SLC2A13: variants seen among roughly 807,000 people sequenced by gnomAD.
The protein encoded by SLC2A13 is solute carrier family 2 member 13.
Under a neutral mutation model 64.4 loss-of-function variants are expected in SLC2A13, and 32 were observed. The observed-to-expected ratio is 0.50, with a 90% CI of 0.37 to 0.67. The LOEUF (loss-of-function observed/expected upper bound fraction) is 0.67. SLC2A13 is among the 30% of genes least tolerant of loss of function. SLC2A13 has a pLI of 0.00. For missense variants in SLC2A13, 743 were observed against 829.2 expected, an observed-to-expected ratio of 0.90 and a Z score of 1.28; for synonymous variants, 338 against 327.1, an observed-to-expected ratio of 1.03 and a Z score of -0.36.
chr12:40,094,317 T>C (rs1269890887), intron 1 of SLC2A13, among the ~76,000 whole-genome samples: 4 of 152,096 alleles, frequency 2.6e-5, no homozygotes, highest in Non-Finnish European at 4.4e-5. Context: ...ACAGAAGGTA[T>C]TCCAAGCCAT....
intron 3 of SLC2A13, among the ~76,000 whole-genome samples, chr12:39,972,022 T>TAA (rs368933021): frequency 2.2e-5 from 2 of 92,394 alleles, no homozygotes; most frequent in African/African-American, 4.1e-5. Context: ...ATATTTTTTT[T>TAA]TATATAAATA....
At chr12:39,852,833 T>C (rs1943506591) in intron 6 of SLC2A13, among the ~76,000 whole-genome samples, 1 of 152,210 alleles carries the variant, frequency 6.6e-6, no homozygotes, top group Admixed American at 6.5e-5. Context: ...TATAACTTTG[T>C]AACATCAGCC....
intron 6 of SLC2A13, among the ~76,000 whole-genome samples, chr12:39,857,712 T>C (rs1417750408): frequency 6.6e-6 from 1 of 152,198 alleles, no homozygotes; most frequent in Non-Finnish European, 1.5e-5. Flanking sequence ...TCCTGGTGTA[T>C]AAGGTCCTGA....
chr12:39,885,626 A>G lies in SLC2A13; in HGVS notation c.1035-13665T>C, dbSNP rs11174134. On this transcript the variant is annotated intron_variant, in intron 4 of 9. Coordinates refer to ENST00000280871, the MANE Select transcript of SLC2A13 (RefSeq NM_052885.4). ...CCACCGAAGCACCCAGAGAAAAATT[A>G]TCTCTGGCCTTAGTACATAGGAATT... Among the ~76,000 whole-genome samples the G allele has an allele frequency of 3.3e-5, 5 of 152,076 alleles. No individual in the cohort carries two copies. In the East Asian group the frequency reaches 9.7e-4, roughly 29 times the overall value.
intron 2 of SLC2A13, among the ~76,000 whole-genome samples, chr12:40,047,332 A>G (rs1948186553): frequency 6.6e-6 from 1 of 152,194 alleles, no homozygotes; most frequent in Non-Finnish European, 1.5e-5. Context: ...CTGAATAAAT[A>G]TTTGTTCTAA....
intron 1 of SLC2A13, among the ~76,000 whole-genome samples, chr12:40,071,180 T>C (rs1937942377): frequency 6.6e-6 from 1 of 152,188 alleles, no homozygotes; most frequent in South Asian, 2.1e-4. Context: ...TCTACGCGTG[T>C]CTATTCTTTC....
chr12:40,046,571 C>T (rs1306908591), intron 2 of SLC2A13, among the ~76,000 whole-genome samples: 1 of 151,730 alleles, frequency 6.6e-6, no homozygotes, highest in Non-Finnish European at 1.5e-5. Context: ...ACAAGAAAAA[C>T]TCAAAATACC....
chr12:39,807,132 T>C (rs1346165284), intron 7 of SLC2A13, among the ~76,000 whole-genome samples: 1 of 148,722 alleles, frequency 6.7e-6, no homozygotes, highest in Non-Finnish European at 1.5e-5. Context: ...TTTTCGCCAC[T>C]GAAAGTAATT....
At chr12:39,840,591 G>C (rs1026801291) in intron 6 of SLC2A13, among the ~76,000 whole-genome samples, 3 of 151,868 alleles carry the variant, frequency 2.0e-5, no homozygotes, top group Non-Finnish European at 2.9e-5. Context: ...GTTTTCTCTG[G>C]ATGTTACTTT....
At chr12:39,926,574 A>T (rs1375824910) in intron 4 of SLC2A13, among the ~76,000 whole-genome samples, 1 of 152,116 alleles carries the variant, frequency 6.6e-6, no homozygotes, top group Non-Finnish European at 1.5e-5. Flanking sequence ...AGGTAATAAA[A>T]TCATCTTTAC....
rs970128888 is a variant in SLC2A13, at chr12:39,755,093, T to A, written c.*4933A>T. On this transcript the variant is annotated 3_prime_UTR_variant, in exon 10 of 10. Transcript: ENST00000280871. ...ACAGTTCTGGCACTGACACTTTTTTTAAAAAAAGATTTTAATTTTATGTAA... is the reference window on the plus strand; with the variant it reads ...ACAGTTCTGGCACTGACACTTTTTTAAAAAAAAGATTTTAATTTTATGTAA... 2.6e-5 allele frequency: 4 copies of A among 151,940 alleles called. No homozygotes were observed. Among genetic ancestry groups the A allele is most frequent in the Non-Finnish European group, 5.9e-5 (4 of 67,922 alleles). The allele number at this position is 151,940 out of a possible 1,614,324, so 9.4% of individuals were successfully genotyped here.
intron 3 of SLC2A13, among the ~76,000 whole-genome samples, chr12:40,021,146 A>G (rs1160476784): frequency 6.6e-6 from 1 of 152,214 alleles, no homozygotes; most frequent in African/African-American, 2.4e-5. Context: ...GATTCTCAGT[A>G]TAAATCAAGG....
At chr12:40,027,343 G>A (rs1565595716) in intron 3 of SLC2A13, among the ~76,000 whole-genome samples, 1 of 152,114 alleles carries the variant, frequency 6.6e-6, no homozygotes, top group Non-Finnish European at 1.5e-5. Context: ...CACATAGAAT[G>A]GGCTCACAGT....
intron 9 of SLC2A13, among the ~76,000 whole-genome samples, 198 bp downstream of exon 9, chr12:39,764,262 T>C (rs537990846): frequency 6.6e-6 from 1 of 152,138 alleles, no homozygotes; most frequent in Admixed American, 6.6e-5. Context: ...CAAGAAGCAG[T>C]GCTGTTTAGG....
chr12:40,030,585 C>T (rs1262748760), intron 2 of SLC2A13, among the ~76,000 whole-genome samples: 1 of 152,002 alleles, frequency 6.6e-6, no homozygotes, highest in African/African-American at 2.4e-5. Flanking sequence ...AGAAAAGCAG[C>T]AGATAATACT....
intron 3 of SLC2A13, among the ~76,000 whole-genome samples, chr12:40,015,528 T>C (rs1438799786): frequency 6.6e-6 from 1 of 152,204 alleles, no homozygotes; most frequent in African/African-American, 2.4e-5. Flanking sequence ...TGGGTTTCCT[T>C]TCTGGAAATG....
chr12:40,105,333 G>A lies in SLC2A13; in HGVS notation c.476C>T (p.Thr159Ile), dbSNP rs1432555306. 2 of 1,597,400 alleles carry A rather than the reference G, an allele frequency of 1.3e-6. No individual in the cohort carries two copies. Among genetic ancestry groups the A allele is most frequent in the Non-Finnish European group, 1.7e-6 (2 of 1,173,572 alleles). Residue 159 changes from threonine to isoleucine, a missense_variant, in exon 1 of 10, where the codon ACC (threonine) becomes ATC (isoleucine). Transcript: ENST00000280871. This position sits in a 1 kb window ranked among gnomAD's most constrained non-coding sequence, Gnocchi z 4.2. ...CGCAGCCAGCACCGCGGAGCCGGCG[G>A]TGAAGAGGGCACTGGCCAGGAGGAT... The part of the protein sequence containing the change: ...AAILLASALF[T>I]AGSAVLAAAN...
At chr12:40,080,715 T>C (rs538097204) in intron 1 of SLC2A13, among the ~76,000 whole-genome samples, 138 of 152,328 alleles carry the variant, frequency 9.1e-4, no homozygotes, top group Non-Finnish European at 1.5e-3. Flanking sequence ...TCAAGGTTAA[T>C]ATTGATGTTA....
chr12:39,916,275 G>A (rs1483344074), intron 4 of SLC2A13, among the ~76,000 whole-genome samples: 1 of 151,918 alleles, frequency 6.6e-6, no homozygotes. Flanking sequence ...GTGCTAAAAT[G>A]TATTGAATTT....
Sources: allele counts gnomAD v4.1 joint callset (sites outside exome capture counted in the v4.1 genomes callset), GRCh38; gene constraint gnomAD v4.1.1; non-coding constraint Gnocchi (gnomAD v3.1); transcripts MANE v1.5; gene names NCBI Gene and HGNC (gene_info 2026-07-23, HGNC 2026-07-21).